The following FRMD4A variants were observed in gnomAD, a reference collection of about 807,000 sequenced individuals.
FRMD4A encodes the protein FERM domain-containing protein 4A.
A neutral mutation model predicts 129.1 loss-of-function variants in FRMD4A; 29 were observed. The ratio of observed to expected loss-of-function variants is 0.22; its 90% CI spans 0.17 to 0.31. The LOEUF is 0.31. Among genes scored for constraint, FRMD4A ranks in the 10% least tolerant of loss-of-function variants. The probability of loss-of-function intolerance (pLI) is 1.00; values close to 1 mark genes in which losing one functional copy is unlikely to be tolerated. For synonymous variants in FRMD4A, 634 were observed against 571.6 expected (o/e 1.11, Z -1.56); for missense variants, 1,272 against 1,375.8 (o/e 0.92, Z 1.19).
chr10:13,868,074 T>C (rs10906525), intron 2 of FRMD4A, among the ~76,000 whole-genome samples: 74,570 of 149,682 alleles, frequency 0.5, 18,573 homozygotes, highest in East Asian at 0.64. Context: ...GGCAACATAG[T>C]GAGACCCCAT....
intron 14 of FRMD4A, among the ~76,000 whole-genome samples, chr10:13,700,646 AAG>A (rs2086723470): frequency 6.6e-6 from 1 of 151,662 alleles, no homozygotes; most frequent in South Asian, 2.1e-4. Flanking sequence ...GGGCTGGAGG[AAG>A]AGGGGGCAGA....
chr10:14,306,905 G>A (rs1400880014), intron 2 of FRMD4A, among the ~76,000 whole-genome samples: 1 of 152,152 alleles, frequency 6.6e-6, no homozygotes, highest in Non-Finnish European at 1.5e-5. Flanking sequence ...GGGGAGAGAA[G>A]GCAGAGGAAC....
intron 2 of FRMD4A, among the ~76,000 whole-genome samples, chr10:13,932,439 T>G (rs998853082): frequency 6.6e-6 from 1 of 152,182 alleles, no homozygotes; most frequent in Non-Finnish European, 1.5e-5. Flanking sequence ...CCAGGTCTGT[T>G]TAGCTGGTGA....
chr10:13,987,643 T>C (rs75384132), intron 2 of FRMD4A, among the ~76,000 whole-genome samples: 3,365 of 152,264 alleles, frequency 0.022, 134 homozygotes, highest in African/African-American at 0.076. Flanking sequence ...TGACTCGTTA[T>C]AGAAATGAGT....
intron 2 of FRMD4A, among the ~76,000 whole-genome samples, chr10:14,231,389 C>A (rs923495737): frequency 1.3e-5 from 2 of 150,302 alleles, no homozygotes; most frequent in Non-Finnish European, 3.0e-5. Context: ...GTCACCCAGG[C>A]TGGAGTGCAG....
chr10:13,874,245 CAAAAAAA>C (rs71388124), intron 2 of FRMD4A, among the ~76,000 whole-genome samples: 16 of 76,404 alleles, frequency 2.1e-4, no homozygotes, highest in Admixed American at 7.2e-4. Context: ...GACACTGTCT[CAAAAAAA>C]AAAAAAAAAA....
intron 12 of FRMD4A, among the ~76,000 whole-genome samples, chr10:13,709,310 A>G (rs1211079241): frequency 6.6e-6 from 1 of 152,120 alleles, no homozygotes; most frequent in Non-Finnish European, 1.5e-5. Context: ...CATTTCCTTT[A>G]GCCTCAGTTT....
intron 2 of FRMD4A, among the ~76,000 whole-genome samples, chr10:14,232,022 G>A (rs966945139): frequency 1.3e-5 from 2 of 152,102 alleles, no homozygotes; most frequent in Non-Finnish European, 2.9e-5. Context: ...TGTCCTGAAT[G>A]GTACTTCCTG....
At chr10:14,234,371 C>G (rs1327137818) in intron 2 of FRMD4A, among the ~76,000 whole-genome samples, 1 of 152,178 alleles carries the variant, frequency 6.6e-6, no homozygotes, top group African/African-American at 2.4e-5. Context: ...CTGTTTTTAT[C>G]GTTGTGCATT....
chr10:13,997,627 T>C (rs897056074), intron 2 of FRMD4A, among the ~76,000 whole-genome samples: 40 of 144,614 alleles, frequency 2.8e-4, no homozygotes, highest in Admixed American at 7.3e-5. Context: ...TTCTTTTCTT[T>C]TTTTTTTTTT....
At chr10:14,013,998 G>A (rs1269479385) in intron 2 of FRMD4A, among the ~76,000 whole-genome samples, 1 of 152,212 alleles carries the variant, frequency 6.6e-6, no homozygotes, top group Non-Finnish European at 1.5e-5. Context: ...AGGCATGAAA[G>A]CTCCCTGCTA....
intron 2 of FRMD4A, among the ~76,000 whole-genome samples, chr10:14,270,101 C>A (rs537058429): frequency 2.0e-4 from 31 of 152,336 alleles, no homozygotes; most frequent in Middle Eastern, 6.8e-3. Context: ...GCCCCCCAGG[C>A]TTTTGGGCCT....
At chr10:14,158,658 AG>A (rs1241494138) in intron 2 of FRMD4A, among the ~76,000 whole-genome samples, 4 of 151,562 alleles carry the variant, frequency 2.6e-5, no homozygotes, top group Non-Finnish European at 4.4e-5. Context: ...GAGGAGGAGA[AG>A]GGGGGCAAGA....
rs895019045 is a variant in FRMD4A at position 14,177,207 on chromosome 10, G to GT, written c.45+152850dup. 7.6e-4 allele frequency among the ~76,000 whole-genome samples: 115 copies of GT among 151,478 alleles called. No individual in the cohort carries two copies. The Middle Eastern group carries it at 0.017, about 22-fold the overall frequency. ...CTTCTTTTTGTTTGTTTTTGTTTTT[G>GT]TTTTTTTTGAGACAAAGTATCGCTC... On this transcript the variant is annotated intron_variant, in intron 2 of 24. Coordinates refer to ENST00000357447, the MANE Select transcript of FRMD4A (RefSeq NM_018027.5).
intron 2 of FRMD4A, among the ~76,000 whole-genome samples, chr10:14,147,521 T>C (rs1339238412): frequency 1.3e-5 from 2 of 152,102 alleles, no homozygotes; most frequent in Admixed American, 1.3e-4. Context: ...GTAGAATCAG[T>C]GTGAGCTCTG....
At chr10:13,976,239 G>C (rs1266704747) in intron 2 of FRMD4A, among the ~76,000 whole-genome samples, 1 of 152,210 alleles carries the variant, frequency 6.6e-6, no homozygotes, top group Admixed American at 6.5e-5. Flanking sequence ...CCAAGGAGAA[G>C]CTGAGGTCTT....
intron 2 of FRMD4A, among the ~76,000 whole-genome samples, chr10:13,961,883 A>C (rs751439674): frequency 3.3e-5 from 5 of 152,198 alleles, no homozygotes; most frequent in Non-Finnish European, 5.9e-5. Context: ...TGTCTAGCAC[A>C]TAGAGGGTGT....
intron 2 of FRMD4A, among the ~76,000 whole-genome samples, chr10:13,915,964 C>A (rs922523201): frequency 6.6e-6 from 1 of 152,160 alleles, no homozygotes; most frequent in African/African-American, 2.4e-5. Context: ...ACTGTGGTTT[C>A]CCAACACTAG....
At chr10:14,095,468 G>T (rs143814154) in intron 2 of FRMD4A, among the ~76,000 whole-genome samples, 2 of 152,336 alleles carry the variant, frequency 1.3e-5, no homozygotes, top group East Asian at 1.9e-4. Flanking sequence ...GAATTGGAAG[G>T]CTTGAACTAT....
Sources: gnomAD v4.1 joint callset for allele counts (sites outside exome capture counted in the v4.1 genomes callset) on GRCh38, gnomAD v4.1.1 for gene constraint, MANE v1.5 for transcripts, NCBI Gene and HGNC (gene_info 2026-07-23, HGNC 2026-07-21) for gene names.